Variants in OSBPL8 observed in about 807,000 individuals in gnomAD.
OSBPL8 encodes the protein oxysterol binding protein like 8.
In OSBPL8, 59 loss-of-function variants were observed where a neutral mutation model predicts 125.5. That is an observed-to-expected ratio of 0.47 (90% CI 0.38 to 0.58). The LOEUF (loss-of-function observed/expected upper bound fraction) is 0.58, where lower values mean the gene tolerates loss of function less well. OSBPL8 is among the 20% of genes least tolerant of loss of function. The pLI is 0.00. For synonymous variants in OSBPL8, 330 were observed against 338.9 expected (o/e 0.97, Z 0.29); for missense variants, 758 against 1,047.8 (o/e 0.72, Z 3.82).
chr12:76,384,559 C>T (rs1337572192), intron 14 of OSBPL8, among the ~76,000 whole-genome samples: 2 of 152,120 alleles, frequency 1.3e-5, no homozygotes, highest in Non-Finnish European at 2.9e-5. Context: ...TCCTGGTAGT[C>T]ACATAGGCCC....
intron 1 of OSBPL8, among the ~76,000 whole-genome samples, chr12:76,518,080 G>A (rs751099367): frequency 1.3e-5 from 2 of 152,156 alleles, no homozygotes; most frequent in Non-Finnish European, 2.9e-5. Context: ...CTTAAGTCAT[G>A]CTGGCATCAA....
intron 21 of OSBPL8, among the ~76,000 whole-genome samples, chr12:76,364,431 A>G (rs1041921965): frequency 9.2e-5 from 14 of 152,288 alleles, no homozygotes; most frequent in Non-Finnish European, 1.5e-4. Context: ...GTTCTTACTC[A>G]TAAGTGGGAG....
At chr12:76,434,730 A>C (rs1223213610) in intron 4 of OSBPL8, among the ~76,000 whole-genome samples, 2 of 152,232 alleles carry the variant, frequency 1.3e-5, no homozygotes, top group Non-Finnish European at 2.9e-5. Context: ...TCTCAAAAGA[A>C]GATATACAAA....
intron 1 of OSBPL8, among the ~76,000 whole-genome samples, chr12:76,516,282 G>A (rs1386134849): frequency 6.6e-6 from 1 of 152,162 alleles, no homozygotes; most frequent in African/African-American, 2.4e-5. Flanking sequence ...TAACACCAGG[G>A]ATGAAAAATC....
chr12:76,431,200 A>G (rs971813111), intron 4 of OSBPL8, among the ~76,000 whole-genome samples: 1 of 152,008 alleles, frequency 6.6e-6, no homozygotes, highest in African/African-American at 2.4e-5. Context: ...ATAACTATAA[A>G]ATGTTTTATG....
At chr12:76,384,483 A>T (rs1953211943) in intron 14 of OSBPL8, 133 bp from the exon 15 acceptor site, 5 of 459,750 alleles carry the variant, frequency 1.1e-5, no homozygotes, top group Non-Finnish European at 1.1e-5. Context: ...AACATTTAAT[A>T]AGTAGTAAAA....
chr12:76,462,834 A>G (rs949002177), intron 2 of OSBPL8, among the ~76,000 whole-genome samples: 46 of 152,168 alleles, frequency 3.0e-4, no homozygotes, highest in Non-Finnish European at 1.6e-4. Flanking sequence ...GGGAAGAGCA[A>G]GTGTACAGGA....
intron 1 of OSBPL8, among the ~76,000 whole-genome samples, chr12:76,551,846 G>A (rs564727869): frequency 6.6e-6 from 1 of 152,226 alleles, no homozygotes; most frequent in South Asian, 2.1e-4. Flanking sequence ...AACACTAGCT[G>A]CTTAACAAAT....
chr12:76,511,825 C>T lies in OSBPL8; in HGVS notation c.-67-24207G>A, dbSNP rs568392576. The stretch of plus-strand genomic sequence containing the variant: ...GTTCCTATGTCCTGGATGGTATTAC[C>T]TAGGTCGTCTGCCAGGGTTTATAGT... On this transcript the variant is annotated intron_variant, in intron 1 of 23. Coordinates refer to ENST00000261183, the MANE Select transcript of OSBPL8 (RefSeq NM_020841.5). Among the ~76,000 whole-genome samples the T allele has an allele frequency of 7.2e-5, 11 of 152,264 alleles. No individual in the cohort carries two copies. In the South Asian group the frequency reaches 2.3e-3, roughly 32 times the overall value.
intron 4 of OSBPL8, among the ~76,000 whole-genome samples, chr12:76,435,695 T>G (rs532158233): frequency 6.6e-6 from 1 of 151,960 alleles, no homozygotes; most frequent in Non-Finnish European, 1.5e-5. Context: ...AATAAAAAGA[T>G]CGTTCCAGGC....
chr12:76,524,684 CTTTT>C (rs199735464), intron 1 of OSBPL8, among the ~76,000 whole-genome samples: 1 of 139,080 alleles, frequency 7.2e-6, no homozygotes. Flanking sequence ...GATCTAATTA[CTTTT>C]TTTTTTTTTT....
At chr12:76,496,233 C>T (rs1426529983) in intron 1 of OSBPL8, among the ~76,000 whole-genome samples, 1 of 152,016 alleles carries the variant, frequency 6.6e-6, no homozygotes, top group Non-Finnish European at 1.5e-5. Flanking sequence ...GGTGTTCTTC[C>T]GTCCAGGGAA....
intron 1 of OSBPL8, among the ~76,000 whole-genome samples, chr12:76,497,038 G>A (rs1565945271): frequency 1.3e-5 from 2 of 152,266 alleles, no homozygotes; most frequent in African/African-American, 2.4e-5. Flanking sequence ...TTAAGTGTTT[G>A]TACCTGATAA....
In OSBPL8 at chr12:76,352,247, AAG is replaced by A. The variant is rs1951850945; in HGVS notation, c.*3640_*3641del. On this transcript the variant is annotated 3_prime_UTR_variant, in exon 24 of 24. Coordinates refer to ENST00000261183, the MANE Select transcript of OSBPL8 (RefSeq NM_020841.5). ...AACAGTTTTACATAATAAATGCAAA[AAG>A]ATAACATTTTCTAAATTTTTAGAAA... 1 of 152,526 alleles carries A rather than the reference AAG, an allele frequency of 6.6e-6. No individual in the cohort carries two copies. Among genetic ancestry groups the A allele is most frequent in the African/African-American group, 2.4e-5 (1 of 41,462 alleles). The allele number at this position is 152,526 out of a possible 1,614,324, so 9.4% of individuals were successfully genotyped here.
At chr12:76,513,063 C>T (rs1881166151) in intron 1 of OSBPL8, among the ~76,000 whole-genome samples, 1 of 152,220 alleles carries the variant, frequency 6.6e-6, no homozygotes, top group African/African-American at 2.4e-5. Flanking sequence ...ACCCAAAAGT[C>T]ATTCAGCAGC....
chr12:76,400,913 C>A (rs549998630), intron 6 of OSBPL8, among the ~76,000 whole-genome samples: 2 of 151,822 alleles, frequency 1.3e-5, no homozygotes, highest in African/African-American at 4.8e-5. Context: ...CTCAGCCTCC[C>A]AAGCAGCTAG....
At chr12:76,527,777 T>A in intron 1 of OSBPL8, among the ~76,000 whole-genome samples, 1 of 152,278 alleles carries the variant, frequency 6.6e-6, no homozygotes, top group East Asian at 1.9e-4. Flanking sequence ...AAATATTTTA[T>A]AATGGACAGC....
chr12:76,380,681 T>C (rs187416686), intron 15 of OSBPL8, among the ~76,000 whole-genome samples: 4 of 152,168 alleles, frequency 2.6e-5, no homozygotes, highest in Non-Finnish European at 5.9e-5. Context: ...AGATTTTCTA[T>C]GTAATCTGGT....
chr12:76,369,738 T>C lies in OSBPL8; in HGVS notation c.2139A>G (p.Gln713=). The part of the protein sequence containing the change: ...TQEKYVLEEA[Q]RQAARDRKTK... ...TTTTCCGATCCCTGGCAGCTTGTCT[T>C]TGAGCTTCTTCCAAAACATACTTCT... is the stretch of plus-strand genomic sequence containing the variant. Residue 713 remains glutamine (Q), a synonymous_variant, in exon 20 of 24, where the codon CAA becomes CAG. Coordinates refer to ENST00000261183, the MANE Select transcript of OSBPL8 (RefSeq NM_020841.5). The C allele has an allele frequency of 6.2e-7, 1 of 1,613,740 alleles. No homozygotes were observed. Among genetic ancestry groups the C allele is most frequent in the Non-Finnish European group, 8.5e-7 (1 of 1,179,776 alleles).
Sources: gnomAD v4.1 joint callset for allele counts (sites outside exome capture counted in the v4.1 genomes callset) on GRCh38, gnomAD v4.1.1 for gene constraint, MANE v1.5 for transcripts, NCBI Gene and HGNC (gene_info 2026-07-23, HGNC 2026-07-21) for gene names.